PROM1: variants seen among roughly 807,000 people sequenced by gnomAD.
PROM1 encodes the protein prominin 1, also known as prominin-1.
A neutral mutation model predicts 116.9 loss-of-function variants in PROM1; 105 were observed. The observed-to-expected ratio is 0.90, with a 90% confidence interval of 0.77 to 1.06. PROM1 has a LOEUF of 1.06. PROM1 is among the 50% of genes least tolerant of loss of function. PROM1 has a pLI of 0.00. For synonymous variants in PROM1, 393 were observed against 387.0 expected (o/e 1.02, Z -0.18); for missense variants, 1,122 against 1,045.2 (o/e 1.07, Z -1.01).
Position 16,033,239 on chromosome 4 carries a change from T to A in PROM1, c.509+65A>T, listed in dbSNP as rs765917804. ...TAGTTTTAAACTCATGGTTTAACCA[T>A]AAAAATGTGAGACACTCTTCATCAG... On this transcript the variant is annotated intron_variant, in intron 5 of 27. Transcript: ENST00000447510. 125 of 1,398,328 alleles carry A rather than the reference T, an allele frequency of 8.9e-5. No individual in the cohort carries two copies. The Middle Eastern group carries it at 1.5e-3, about 17-fold the overall frequency. The allele number at this position is 1,398,328 out of a possible 1,614,324, so 86.6% of individuals were successfully genotyped here.
rs1190167770 is a variant in PROM1, at chr4:16,033,369, C to T, written c.444G>A (p.Lys148=). 2.5e-6 allele frequency: 4 copies of T among 1,613,748 alleles called. No individual in the cohort carries two copies. The highest frequency in any genetic ancestry group is 3.4e-6 in the Non-Finnish European group (4 of 1,179,862). The change falls in exon 5 of 28, where the codon AAG becomes AAA. Residue 148 remains lysine (K), a synonymous_variant. Transcript: ENST00000447510. ...KCGGEMHQRQ[K]ENGPFLRKCF... is the part of the protein sequence containing the mutation. The stretch of plus-strand genomic sequence containing the variant: ...ATTTCCTCAGGAAGGGCCCATTTTC[C>T]TTCTGTCGCTGGTGCATTTCTCCAC...
intron 26 of PROM1, among the ~76,000 whole-genome samples, chr4:15,977,351 T>C (rs369042816): frequency 2.0e-5 from 3 of 152,278 alleles, no homozygotes; most frequent in African/African-American, 7.2e-5. Context: ...CATAGGTAAT[T>C]GAGAACAGCT....
intron 2 of PROM1, among the ~76,000 whole-genome samples, chr4:16,066,494 G>A (rs563716721): frequency 9.2e-5 from 14 of 152,262 alleles, no homozygotes; most frequent in Admixed American, 7.8e-4. Context: ...GCTAGTGGAC[G>A]TCAGAGTTGG....
Position 16,033,475 on chromosome 4 carries a change from C to G in PROM1, c.338G>C (p.Cys113Ser). 6.2e-7 allele frequency: 1 copy of G among 1,610,114 alleles called. No homozygotes were observed. Among genetic ancestry groups the G allele is most frequent in the Non-Finnish European group, 8.5e-7 (1 of 1,178,208 alleles). Residue 113 changes from cysteine to serine, a missense_variant, in exon 5 of 28, where the codon TGT becomes TCT. Coordinates refer to ENST00000447510, the MANE Select transcript of PROM1 (RefSeq NM_006017.3). Reference sequence around the variant, plus strand: ...AATAATAAACAGCAGCCCCAGGACACAGCATAGAATAATCCCTGCTTCATA... The same window carrying G: ...AATAATAAACAGCAGCCCCAGGACAGAGCATAGAATAATCCCTGCTTCATA... ...VYYEAGIILC[C>S]VLGLLFIILM...
chr4:16,040,392 C>T (rs1285245306), intron 2 of PROM1, among the ~76,000 whole-genome samples: 1 of 152,232 alleles, frequency 6.6e-6, no homozygotes, highest in Non-Finnish European at 1.5e-5. Context: ...TCCGACAACA[C>T]AGGCTACTTC....
chr4:15,995,200 T>C (rs1485091926), intron 15 of PROM1, among the ~76,000 whole-genome samples: 1 of 151,756 alleles, frequency 6.6e-6, no homozygotes, highest in Non-Finnish European at 1.5e-5. Context: ...CCAGAAGCAA[T>C]GGAGAAACTT....
At chr4:16,049,193 C>T (rs1241339707) in intron 2 of PROM1, among the ~76,000 whole-genome samples, 2 of 152,226 alleles carry the variant, frequency 1.3e-5, no homozygotes, top group Non-Finnish European at 2.9e-5. Flanking sequence ...CCATTTACAG[C>T]CTTTGTCCCT....
intron 1 of PROM1, among the ~76,000 whole-genome samples, chr4:16,082,970 G>C (rs1463818085): frequency 6.6e-6 from 1 of 151,806 alleles, no homozygotes; most frequent in Non-Finnish European, 1.5e-5. Flanking sequence ...CGATAGCCGC[G>C]GGTCCCCGCG....
At chr4:16,075,062 G>A (rs1743654176) in intron 2 of PROM1, among the ~76,000 whole-genome samples, 1 of 152,158 alleles carries the variant, frequency 6.6e-6, no homozygotes, top group African/African-American at 2.4e-5. Context: ...ATTCAGAAGA[G>A]TATGGAAAAC....
chr4:16,024,897 A>T (rs1578095798), intron 6 of PROM1, among the ~76,000 whole-genome samples: 1 of 152,296 alleles, frequency 6.6e-6, no homozygotes, highest in Middle Eastern at 3.4e-3. Flanking sequence ...AAAAACTTTC[A>T]TTTTTTTAAA....
chr4:16,041,902 C>T (rs1735388773), intron 2 of PROM1, among the ~76,000 whole-genome samples: 1 of 151,806 alleles, frequency 6.6e-6, no homozygotes, highest in Non-Finnish European at 1.5e-5. Context: ...TTCCTGGACT[C>T]AAGTTATCCT....
intron 14 of PROM1, among the ~76,000 whole-genome samples, chr4:15,999,070 T>G (rs1165448003): frequency 2.0e-5 from 3 of 151,780 alleles, no homozygotes; most frequent in African/African-American, 7.3e-5. Context: ...AACAAACACA[T>G]TATAAATAGA....
chr4:15,991,561 G>A (rs1720991970), intron 17 of PROM1, among the ~76,000 whole-genome samples: 1 of 150,544 alleles, frequency 6.6e-6, no homozygotes, highest in Admixed American at 6.6e-5. Flanking sequence ...CTCAGTGAAA[G>A]AAGCCAGACA....
chr4:16,022,133 GGGAA>G (rs1291029501), intron 8 of PROM1, among the ~76,000 whole-genome samples: 3 of 150,262 alleles, frequency 2.0e-5, no homozygotes, highest in Non-Finnish European at 4.4e-5. Flanking sequence ...AAGGGAAGGA[GGGAA>G]AGAAAGAAAG....
chr4:16,015,627 T>A (rs375998226), intron 10 of PROM1, among the ~76,000 whole-genome samples: 18 of 151,528 alleles, frequency 1.2e-4, no homozygotes, highest in Middle Eastern at 3.4e-3. Flanking sequence ...GAGGCAGAGG[T>A]TGCAGTGAGC....
intron 1 of PROM1, among the ~76,000 whole-genome samples, chr4:16,077,772 C>T (rs1560633682): frequency 6.6e-6 from 1 of 152,200 alleles, no homozygotes; most frequent in Non-Finnish European, 1.5e-5. Context: ...CAATCCAGTA[C>T]ATGCTTATAT....
chr4:16,004,112 A>T (rs1340892654), intron 13 of PROM1, among the ~76,000 whole-genome samples: 7 of 152,250 alleles, frequency 4.6e-5, no homozygotes, highest in African/African-American at 1.7e-4. Flanking sequence ...CTCCTTTTGC[A>T]ATTATCCAGT....
chr4:16,064,593 TTTAACA>T (rs1348045822), intron 2 of PROM1, among the ~76,000 whole-genome samples: 2 of 152,194 alleles, frequency 1.3e-5, no homozygotes, highest in African/African-American at 4.8e-5. Context: ...CATATTATAC[TTTAACA>T]TTAATATTTT....
At chr4:15,974,270 C>T (rs541473983) in intron 26 of PROM1, among the ~76,000 whole-genome samples, 138 of 152,110 alleles carry the variant, frequency 9.1e-4, no homozygotes, top group Non-Finnish European at 1.8e-3. Flanking sequence ...CCACTTGCTC[C>T]GCAGACTGTG....
Sources: allele counts gnomAD v4.1 joint callset (sites outside exome capture counted in the v4.1 genomes callset), GRCh38; gene constraint gnomAD v4.1.1; transcripts MANE v1.5; gene names NCBI Gene and HGNC (gene_info 2026-07-23, HGNC 2026-07-21).